NELL2: variants seen among roughly 807,000 people sequenced by gnomAD.
NELL2 encodes the protein protein kinase C-binding protein NELL2.
NELL2 carries 41 observed loss-of-function variants against 109.6 expected under a neutral mutation model. The observed-to-expected ratio is 0.37, with a 90% CI of 0.29 to 0.49. The LOEUF is 0.49. NELL2 is among the 20% of genes least tolerant of loss of function. The pLI is 0.98. For missense variants in NELL2, 900 were observed against 1,008.3 expected (o/e 0.89, Z 1.45); for synonymous variants, 355 against 344.7 (o/e 1.03, Z -0.33).
chr12:44,523,314 T>C lies in NELL2; in HGVS notation c.1975A>G (p.Arg659Gly). Residue 659 changes from arginine to glycine, a missense_variant, in exon 17 of 20, where the codon AGG becomes GGG. Coordinates refer to ENST00000429094, the MANE Select transcript of NELL2 (RefSeq NM_001145108.2). Reference sequence around the variant, plus strand: ...ACCTGACATGAGCACACAGAGCACCTGTCATTTTCCAACACCCAAATCTGA... The same window carrying C: ...ACCTGACATGAGCACACAGAGCACCCGTCATTTTCCAACACCCAAATCTGA... The part of the protein sequence containing the change: ...NGQIWVLEND[R>G]CSVCSCQNGF... The C allele has an allele frequency of 6.2e-7, 1 of 1,614,186 alleles. No homozygotes were observed. The highest frequency in any genetic ancestry group is 1.1e-5 in the South Asian group (1 of 91,088).
chr12:44,559,466 A>C (rs906646391), intron 15 of NELL2, among the ~76,000 whole-genome samples: 2 of 152,214 alleles, frequency 1.3e-5, no homozygotes, highest in Non-Finnish European at 2.9e-5. Context: ...TAGCCTCAAC[A>C]TAAAGGGATG....
intron 15 of NELL2, among the ~76,000 whole-genome samples, chr12:44,577,491 T>TTTCC (rs1339996401): frequency 1.2e-4 from 17 of 137,378 alleles, no homozygotes; most frequent in African/African-American, 5.0e-4. Flanking sequence ...TTTTTTTTTT[T>TTTCC]TGAGATGGAG....
intron 15 of NELL2, among the ~76,000 whole-genome samples, chr12:44,533,769 C>T (rs1471230685): frequency 6.6e-6 from 1 of 152,154 alleles, no homozygotes; most frequent in Non-Finnish European, 1.5e-5. Context: ...GTGTCTCCTT[C>T]TCATTAGCTC....
intron 9 of NELL2, among the ~76,000 whole-genome samples, chr12:44,773,728 G>A (rs1489288991): frequency 2.0e-5 from 3 of 152,082 alleles, no homozygotes; most frequent in Admixed American, 6.5e-5. Context: ...CCACTGAATC[G>A]ACTTGACTAG....
chr12:44,835,154 T>A lies in NELL2; in HGVS notation c.185-19018A>T, dbSNP rs926144296. Among the ~76,000 whole-genome samples the A allele has an allele frequency of 3.3e-5, 5 of 152,062 alleles. No homozygotes were observed. In the East Asian group the frequency reaches 5.8e-4, roughly 18 times the overall value. On this transcript the variant is annotated intron_variant, in intron 2 of 19. Transcript: ENST00000429094. ...GGTGGGACTGGCCCGGCAGGTACCG[T>A]ACACACCCAGGACACAGGCCAGAGG...
Position 44,791,068 on chromosome 12 carries a change from TATATATATATATAC to T in NELL2, c.336-11060_336-11047del, listed in dbSNP as rs1389353448. ...AGACACCAAGAAGAAAGTTCAAGTA[TATATATATATATAC>T]ATATATATATATATGTATATATATA... On this transcript the variant is annotated intron_variant, in intron 3 of 19. Coordinates refer to ENST00000429094, the MANE Select transcript of NELL2 (RefSeq NM_001145108.2). Among the ~76,000 whole-genome samples, 13 of 10,006 alleles carry T rather than the reference TATATATATATATAC, an allele frequency of 1.3e-3. 1 individual carries two copies. Among genetic ancestry groups the T allele is most frequent in the Admixed American group, 0.012 (5 of 408 alleles). The allele number at this position is 10,006 out of a possible 152,430, so 6.6% of individuals were successfully genotyped here.
At chr12:44,618,876 T>C (rs1192504917) in intron 13 of NELL2, among the ~76,000 whole-genome samples, 1 of 152,212 alleles carries the variant, frequency 6.6e-6, no homozygotes, top group Non-Finnish European at 1.5e-5. Flanking sequence ...TCCTCTTTAG[T>C]CTTCATAAAA....
At chr12:44,704,119 C>T (rs78647818) in intron 11 of NELL2, among the ~76,000 whole-genome samples, 2,095 of 152,056 alleles carry the variant, frequency 0.014, 61 homozygotes, top group African/African-American at 0.048. Context: ...CCCTAATATT[C>T]TAATTATAAC....
chr12:44,915,788 A>G (rs1375449612), upstream of NELL2, among the ~76,000 whole-genome samples: 1 of 152,160 alleles, frequency 6.6e-6, no homozygotes, highest in East Asian at 1.9e-4. Flanking sequence ...AGAGATGCAA[A>G]AAAAAATGGG....
intron 9 of NELL2, among the ~76,000 whole-genome samples, chr12:44,773,400 T>C (rs7972284): frequency 0.73 from 111,340 of 151,786 alleles, 40,927 homozygotes; most frequent in Non-Finnish European, 0.75. Flanking sequence ...GGCGTGAACC[T>C]GGAAGGCGGA....
intron 13 of NELL2, among the ~76,000 whole-genome samples, chr12:44,622,442 C>T (rs578098637): frequency 1.3e-5 from 2 of 152,170 alleles, no homozygotes; most frequent in East Asian, 3.9e-4. Context: ...CCACCTAACC[C>T]CATATGATCT....
chr12:44,721,780 T>G lies in NELL2; in HGVS notation c.995-7039A>C, dbSNP rs563094191. On this transcript the variant is annotated intron_variant, in intron 9 of 19. Coordinates refer to ENST00000429094, the MANE Select transcript of NELL2 (RefSeq NM_001145108.2). ...TAAGAGATTACAAGTAAAAAAACAT[T>G]GAAAAAGTGATTTTGCTCTTTTATA... 5.9e-5 allele frequency among the ~76,000 whole-genome samples: 9 copies of G among 152,238 alleles called. No homozygotes were observed. In the East Asian group the frequency reaches 1.7e-3, roughly 30 times the overall value.
At chr12:44,918,516 T>C (rs974619706), upstream of NELL2, among the ~76,000 whole-genome samples, 22 of 123,772 alleles carry the variant, frequency 1.8e-4, no homozygotes, top group Admixed American at 1.4e-3. Flanking sequence ...TGCATGCATG[T>C]ATGTGTGTGT....
intron 1 of NELL2, among the ~76,000 whole-genome samples, chr12:44,909,077 TA>T (rs930945657): frequency 6.6e-6 from 1 of 151,748 alleles, no homozygotes; most frequent in Admixed American, 6.6e-5. Context: ...AAGTCCTAGA[TA>T]GAGCAATCAG....
intron 1 of NELL2, among the ~76,000 whole-genome samples, chr12:44,897,310 T>C (rs374204670): frequency 6.6e-6 from 1 of 152,032 alleles, no homozygotes; most frequent in Admixed American, 6.5e-5. Context: ...TAAAATTCAG[T>C]ATCTTGGACT....
chr12:44,590,292 T>G lies in NELL2; in HGVS notation c.1663+16877A>C, dbSNP rs987450056. Among the ~76,000 whole-genome samples the G allele has an allele frequency of 1.1e-4, 16 of 152,274 alleles. No homozygotes were observed. The East Asian group carries it at 2.9e-3, about 28-fold the overall frequency. ...TCCCTGTCAACTAAGAACACCTGTT[T>G]TCTTCTAACAGCTGCTTCCCAGTTG... On this transcript the variant is annotated intron_variant, in intron 15 of 19. Transcript: ENST00000429094.
chr12:44,586,098 T>C (rs934319459), intron 15 of NELL2, among the ~76,000 whole-genome samples: 1 of 151,684 alleles, frequency 6.6e-6, no homozygotes, highest in African/African-American at 2.4e-5. Context: ...CATTTAGTTC[T>C]ATCTCATTCT....
Position 44,520,813 on chromosome 12 carries a change from T to C in NELL2, c.2176-584A>G, listed in dbSNP as rs114985081. ...ACAGGAAAATTGTGTGAATTGGATC[T>C]TTTTAAAAATGTAGTTCCCACCTGT... On this transcript the variant is annotated intron_variant, in intron 18 of 19. Transcript: ENST00000429094. Among the ~76,000 whole-genome samples the C allele has an allele frequency of 6.7e-3, 1,017 of 152,344 alleles. 12 individuals carry two copies. The highest frequency in any genetic ancestry group is 0.023 in the African/African-American group (954 of 41,578).
At chr12:44,732,718 AAC>A (rs1939433128) in intron 9 of NELL2, among the ~76,000 whole-genome samples, 1 of 152,048 alleles carries the variant, frequency 6.6e-6, no homozygotes, top group African/African-American at 2.4e-5. Flanking sequence ...ACAACAAACT[AAC>A]AAACTTCTGT....
Sources: gnomAD v4.1 joint callset for allele counts (sites outside exome capture counted in the v4.1 genomes callset) on GRCh38, gnomAD v4.1.1 for gene constraint, MANE v1.5 for transcripts, NCBI Gene and HGNC (gene_info 2026-07-23, HGNC 2026-07-21) for gene names.